Variants in CAMK1D observed in about 807,000 individuals in gnomAD.
CAMK1D encodes the protein calcium/calmodulin dependent protein kinase ID, also known as calcium/calmodulin-dependent protein kinase type 1D.
Under a neutral mutation model 47.7 loss-of-function variants are expected in CAMK1D, and 9 were observed. The ratio of observed to expected loss-of-function variants is 0.19; its 90% CI spans 0.11 to 0.33. The LOEUF is 0.33. Among genes scored for constraint, CAMK1D ranks in the 10% least tolerant of loss-of-function variants. CAMK1D has a pLI of 1.00. For missense variants in CAMK1D, 291 were observed against 488.7 expected (o/e 0.60, Z 3.81); for synonymous variants, 184 against 184.9 (o/e 0.99, Z 0.04).
At chr10:12,578,586 G>A (rs1318755637) in intron 2 of CAMK1D, among the ~76,000 whole-genome samples, 15 of 59,688 alleles carry the variant, frequency 2.5e-4, no homozygotes, top group South Asian at 1.4e-3. Flanking sequence ...AAAAAAAAAA[G>A]TTTTGTAGAG....
At chr10:12,523,035 G>A (rs1489703661) in intron 1 of CAMK1D, among the ~76,000 whole-genome samples, 6 of 151,442 alleles carry the variant, frequency 4.0e-5, no homozygotes, top group African/African-American at 1.5e-4. Flanking sequence ...AGACGGGGTG[G>A]CTGCCGGGCG....
chr10:12,700,106 C>T (rs536810373), intron 3 of CAMK1D, among the ~76,000 whole-genome samples: 1 of 152,256 alleles, frequency 6.6e-6, no homozygotes, highest in South Asian at 2.1e-4. Flanking sequence ...GAGTTCACAG[C>T]CAACAGCACA....
intron 1 of CAMK1D, among the ~76,000 whole-genome samples, chr10:12,506,407 G>T (rs1258979753): frequency 6.6e-6 from 1 of 152,136 alleles, no homozygotes; most frequent in Admixed American, 6.5e-5. Context: ...GCAACACAGT[G>T]AGACTCTGTC....
rs1207917795 is a variant in CAMK1D, at chr10:12,517,264, C to CT, written c.93-35954dup. On this transcript the variant is annotated intron_variant, in intron 1 of 10. Transcript: ENST00000619168. ...CAAACTCACTTAATAGTTCTAGATG[C>CT]TTTTTTTGGGTCAGTTCTTTGAGAT... is the stretch of plus-strand genomic sequence containing the variant. Among the ~76,000 whole-genome samples the CT allele has an allele frequency of 2.0e-5, 3 of 152,202 alleles. No individual in the cohort carries two copies. In the East Asian group the frequency reaches 5.8e-4, roughly 29 times the overall value.
intron 3 of CAMK1D, among the ~76,000 whole-genome samples, chr10:12,671,346 C>CT (rs35207765): frequency 0.022 from 3,194 of 142,516 alleles, 57 homozygotes; most frequent in South Asian, 0.12. Context: ...AATGATAGCT[C>CT]TTTTTTTTTT....
chr10:12,626,926 A>T (rs1839235101), intron 2 of CAMK1D, among the ~76,000 whole-genome samples: 1 of 152,336 alleles, frequency 6.6e-6, no homozygotes, highest in South Asian at 2.1e-4. Flanking sequence ...TAAATCAAAG[A>T]TCAGCATGTG....
intron 3 of CAMK1D, among the ~76,000 whole-genome samples, chr10:12,675,908 T>C (rs1055534716): frequency 1.3e-5 from 2 of 152,208 alleles, no homozygotes; most frequent in African/African-American, 2.4e-5. Context: ...TTTCTGATAT[T>C]CTTTCTGCTG....
chr10:12,714,471 A>G lies in CAMK1D; in HGVS notation c.300-46477A>G, dbSNP rs573183944. ...TGCGGTGGCTCACGCCTGTAATCCC[A>G]GCACTTTGGGGGGCCAAGGCAGGCG... On this transcript the variant is annotated intron_variant, in intron 3 of 10. Transcript: ENST00000619168. 5.6e-3 allele frequency among the ~76,000 whole-genome samples: 853 copies of G among 152,306 alleles called. 7 individuals are homozygous for G. Among genetic ancestry groups the G allele is most frequent in the African/African-American group, 0.019 (772 of 41,578 alleles).
intron 1 of CAMK1D, among the ~76,000 whole-genome samples, chr10:12,541,208 T>A (rs917600134): frequency 6.6e-6 from 1 of 152,178 alleles, no homozygotes; most frequent in African/African-American, 2.4e-5. Flanking sequence ...CTACAAAATG[T>A]CATTAGTGGT....
chr10:12,595,726 G>A (rs1343742185), intron 2 of CAMK1D, among the ~76,000 whole-genome samples: 1 of 152,162 alleles, frequency 6.6e-6, no homozygotes, highest in Non-Finnish European at 1.5e-5. Context: ...ACTGCCACCT[G>A]AGGAAGCGTG....
chr10:12,564,159 C>CTG lies in CAMK1D; in HGVS notation c.224+10804_224+10805insGT, dbSNP rs139538585. On this transcript the variant is annotated intron_variant, in intron 2 of 10. Transcript: ENST00000619168. Reference sequence around the variant, plus strand: ...TCTCTCTCTCTCTGTCTCTCTCTCTCTCTCTCTCTCTCTCTCTCTCTCATA... The same window carrying CTG: ...TCTCTCTCTCTCTGTCTCTCTCTCTCTGTCTCTCTCTCTCTCTCTCTCTCATA... 5.8e-4 allele frequency among the ~76,000 whole-genome samples: 62 copies of CTG among 106,918 alleles called. 1 individual carries two copies. In the East Asian group the frequency reaches 5.9e-3, roughly 10 times the overall value. The allele number at this position is 106,918 out of a possible 152,430, so 70.1% of individuals were successfully genotyped here.
chr10:12,370,143 C>T (rs1379375938), intron 1 of CAMK1D, among the ~76,000 whole-genome samples: 1 of 152,004 alleles, frequency 6.6e-6, no homozygotes, highest in Admixed American at 6.6e-5. Flanking sequence ...GACAGTGGTG[C>T]CCTGGGGCAA....
At chr10:12,610,764 G>C (rs1426465479) in intron 2 of CAMK1D, among the ~76,000 whole-genome samples, 2 of 152,194 alleles carry the variant, frequency 1.3e-5, no homozygotes, top group African/African-American at 4.8e-5. Context: ...CTCTCAAGTA[G>C]ACTTCCCTTA....
intron 1 of CAMK1D, among the ~76,000 whole-genome samples, chr10:12,515,876 G>A (rs748420482): frequency 1.3e-5 from 2 of 151,964 alleles, no homozygotes; most frequent in Non-Finnish European, 2.9e-5. Flanking sequence ...CTCCCAAAGC[G>A]TTGGGATTAC....
In CAMK1D at chr10:12,828,837, C is replaced by T. The variant is rs762894114; in HGVS notation, c.1108C>T (p.Arg370Trp). The change falls in exon 11 of 11, where the codon CGG becomes TGG. Residue 370 changes from arginine to tryptophan, a missense_variant. By Grantham distance (101) the Arg-to-Trp change is moderately radical (BLOSUM62 -3). Transcript: ENST00000619168. ...SSGVSGVGAE[R>W]RPRPTTVTAV... Reference sequence around the variant, plus strand: ...GGGGGTCTCAGGAGTTGGAGCCGAGCGGAGACCCAGGCCCACCACTGTGAC... The same window carrying T: ...GGGGGTCTCAGGAGTTGGAGCCGAGTGGAGACCCAGGCCCACCACTGTGAC... 2.5e-5 allele frequency: 40 copies of T among 1,613,466 alleles called. No homozygotes were observed. The highest frequency in any genetic ancestry group is 3.3e-5 in the Non-Finnish European group (39 of 1,179,874).
intron 1 of CAMK1D, among the ~76,000 whole-genome samples, chr10:12,377,016 C>T (rs539560877): frequency 1.6e-4 from 25 of 152,256 alleles, no homozygotes; most frequent in Non-Finnish European, 3.1e-4. Context: ...CTGCCTCGGC[C>T]TCCCAAAGTG....
chr10:12,655,361 A>C (rs1419371031), intron 2 of CAMK1D, among the ~76,000 whole-genome samples: 1 of 152,150 alleles, frequency 6.6e-6, no homozygotes, highest in African/African-American at 2.4e-5. Context: ...TCTAGACCCC[A>C]TGTTCAAGCA....
At chr10:12,551,810 T>C (rs1020028977) in intron 1 of CAMK1D, among the ~76,000 whole-genome samples, 3 of 152,040 alleles carry the variant, frequency 2.0e-5, no homozygotes, top group African/African-American at 4.8e-5. Context: ...CTCTCCCGGG[T>C]CCATGGAAAA....
chr10:12,562,942 C>T (rs1836989385), intron 2 of CAMK1D, among the ~76,000 whole-genome samples: 1 of 152,234 alleles, frequency 6.6e-6, no homozygotes. Flanking sequence ...GGAATCTATG[C>T]TGACTTCCAG....
Sources: allele counts gnomAD v4.1 joint callset (sites outside exome capture counted in the v4.1 genomes callset), GRCh38; gene constraint gnomAD v4.1.1; transcripts MANE v1.5; gene names NCBI Gene and HGNC (gene_info 2026-07-23, HGNC 2026-07-21).